The following TLL1 variants were observed in gnomAD, a reference collection of about 807,000 sequenced individuals.
TLL1 encodes the protein tolloid like 1.
In TLL1, 49 loss-of-function variants were observed where a neutral mutation model predicts 128.2. The observed-to-expected ratio is 0.38, with a 90% CI of 0.30 to 0.48. The LOEUF is 0.48. TLL1 is among the 20% of genes least tolerant of loss of function. The pLI is 0.96. For synonymous variants in TLL1, 454 were observed against 418.8 expected, an observed-to-expected ratio of 1.08 and a Z score of -1.03; for missense variants, 1,123 against 1,242.0, an observed-to-expected ratio of 0.90 and a Z score of 1.44.
intron 1 of TLL1, among the ~76,000 whole-genome samples, chr4:165,928,319 C>A (rs532304986): frequency 6.6e-6 from 1 of 151,988 alleles, no homozygotes; most frequent in Non-Finnish European, 1.5e-5. Context: ...GTTGGGGAGA[C>A]GGCAGGCATG....
At chr4:166,052,507 G>T (rs1468778315) in intron 12 of TLL1, among the ~76,000 whole-genome samples, 1 of 152,064 alleles carries the variant, frequency 6.6e-6, no homozygotes, top group African/African-American at 2.4e-5. Context: ...ACCTTGGCCA[G>T]GCTGGTCTTG....
chr4:165,937,398 A>C (rs1733813018), intron 1 of TLL1, among the ~76,000 whole-genome samples: 1 of 152,162 alleles, frequency 6.6e-6, no homozygotes, highest in African/African-American at 2.4e-5. Flanking sequence ...TTTCACATAC[A>C]CATTCTCAGA....
intron 1 of TLL1, among the ~76,000 whole-genome samples, chr4:165,906,827 GTTT>G (rs372917139): frequency 7.0e-5 from 8 of 114,220 alleles, no homozygotes; most frequent in African/African-American, 9.6e-5. Context: ...TATTTCTCCA[GTTT>G]TTTTTTTTTT....
chr4:165,920,910 C>A (rs1271481960), intron 1 of TLL1, among the ~76,000 whole-genome samples: 1 of 152,108 alleles, frequency 6.6e-6, no homozygotes, highest in Non-Finnish European at 1.5e-5. Context: ...TGGCTTAGAT[C>A]CAACTTAGAT....
At chr4:165,944,702 G>C (rs1453507150) in intron 1 of TLL1, among the ~76,000 whole-genome samples, 1 of 152,042 alleles carries the variant, frequency 6.6e-6, no homozygotes, top group East Asian at 1.9e-4. Flanking sequence ...ACAGTATCCA[G>C]GGAAGAAGAT....
intron 1 of TLL1, among the ~76,000 whole-genome samples, chr4:165,988,000 T>G (rs573396081): frequency 6.6e-6 from 1 of 152,214 alleles, no homozygotes; most frequent in South Asian, 2.1e-4. Flanking sequence ...ATAAAGAAAA[T>G]TGGTAAACCT....
rs529078448 is a variant in TLL1, at chr4:166,088,549, A to G, written c.2443-2579A>G. Among the ~76,000 whole-genome samples, 77 of 152,150 alleles carry G rather than the reference A, an allele frequency of 5.1e-4. 2 individuals carry two copies. Among genetic ancestry groups the G allele is most frequent in the African/African-American group, 1.8e-3 (74 of 41,506 alleles). Reference sequence around the variant, plus strand: ...TTTGCTTGTGTGTGGTGGAGCTTTTAGTTCAGGCTGATTTCTGGAAAAGGA... The same window carrying G: ...TTTGCTTGTGTGTGGTGGAGCTTTTGGTTCAGGCTGATTTCTGGAAAAGGA... On this transcript the variant is annotated intron_variant, in intron 18 of 20. Coordinates refer to ENST00000061240, the MANE Select transcript of TLL1 (RefSeq NM_012464.5).
At chr4:165,886,179 G>A (rs1472731756) in intron 1 of TLL1, among the ~76,000 whole-genome samples, 3 of 152,220 alleles carry the variant, frequency 2.0e-5, no homozygotes, top group East Asian at 1.9e-4. Flanking sequence ...AATTAAAAGA[G>A]CACTGGATAT....
At chr4:166,044,974 T>C (rs186863253) in intron 12 of TLL1, among the ~76,000 whole-genome samples, 1 of 152,140 alleles carries the variant, frequency 6.6e-6, no homozygotes, top group Non-Finnish European at 1.5e-5. Context: ...GCAGTGACAG[T>C]CTTCAAAAAT....
rs559192808 is a variant in TLL1, at chr4:166,055,253, G to A, written c.1702G>A (p.Ala568Thr). 2.5e-6 allele frequency: 4 copies of A among 1,613,444 alleles called. No homozygotes were observed. In the African/African-American group the frequency reaches 4.0e-5, roughly 16 times the overall value. ...CGGAACTGTGAACAAAGCAGGGTTT[G>A]CTGCTAACTTTTTTAAAGGTAATTT... ...SDGTVNKAGF[A>T]ANFFKEEDEC... Residue 568 changes from alanine (A) to threonine (T), a missense_variant, in exon 13 of 21, where the codon GCT becomes ACT. By Grantham distance (58) the Ala-to-Thr change is moderately conservative (BLOSUM62 0). Around this residue, in one of 3 missense-constraint regions of TLL1, gnomAD observed 634 missense variants for 672.4 expected, o/e 0.94. Transcript: ENST00000061240.
chr4:165,920,329 A>G (rs112548151), intron 1 of TLL1, among the ~76,000 whole-genome samples: 599 of 152,352 alleles, frequency 3.9e-3, no homozygotes, highest in Non-Finnish European at 6.9e-3. Flanking sequence ...TGAAACATTT[A>G]TAACTTTGAG....
At chr4:166,004,518 A>G (rs1435740805) in intron 6 of TLL1, among the ~76,000 whole-genome samples, 3 of 152,078 alleles carry the variant, frequency 2.0e-5, no homozygotes, top group Admixed American at 6.6e-5. Flanking sequence ...GAGAAAAGTG[A>G]CAGTAATTAG....
At chr4:165,991,123 C>T (rs777389650) in intron 2 of TLL1, among the ~76,000 whole-genome samples, 3 of 151,824 alleles carry the variant, frequency 2.0e-5, no homozygotes, top group Non-Finnish European at 4.4e-5. Context: ...CTCCCTTCTC[C>T]CATTATTTTG....
intron 1 of TLL1, among the ~76,000 whole-genome samples, chr4:165,951,174 G>A (rs1734497514): frequency 6.6e-6 from 1 of 152,080 alleles, no homozygotes; most frequent in South Asian, 2.1e-4. Flanking sequence ...TTTGAAAGAT[G>A]TAAACTACAA....
At chr4:165,996,472 G>T (rs1425760092) in intron 5 of TLL1, among the ~76,000 whole-genome samples, 1 of 152,070 alleles carries the variant, frequency 6.6e-6, no homozygotes, top group Non-Finnish European at 1.5e-5. Context: ...AGCCAGGTGT[G>T]TTGGCGCGCA....
chr4:166,047,562 T>TAATATAATATATA (rs1244910731), intron 12 of TLL1, among the ~76,000 whole-genome samples: 215 of 151,232 alleles, frequency 1.4e-3, no homozygotes, highest in Non-Finnish European at 2.6e-3. Flanking sequence ...AAGATAAACT[T>TAATATAATATATA]GTCCATCATG....
At chr4:166,026,559 T>C (rs893156683) in intron 9 of TLL1, among the ~76,000 whole-genome samples, 1 of 152,136 alleles carries the variant, frequency 6.6e-6, no homozygotes, top group African/African-American at 2.4e-5. Flanking sequence ...TGTTGGCATG[T>C]GCCTGTAATC....
chr4:166,092,245 T>G (rs767140231), intron 19 of TLL1, among the ~76,000 whole-genome samples: 5 of 152,132 alleles, frequency 3.3e-5, no homozygotes, highest in Non-Finnish European at 7.4e-5. Context: ...ATTCTTTCAC[T>G]TGATTTTGTA....
intron 12 of TLL1, among the ~76,000 whole-genome samples, chr4:166,045,960 A>T (rs1054064335): frequency 2.0e-5 from 3 of 152,156 alleles, no homozygotes; most frequent in Non-Finnish European, 4.4e-5. Context: ...TTTTTAGTAA[A>T]TTGCACTTCC....
Sources: gnomAD v4.1 joint callset for allele counts (sites outside exome capture counted in the v4.1 genomes callset) on GRCh38, gnomAD v4.1.1 for gene constraint, gnomAD v4.1.1 regional missense constraint, MANE v1.5 for transcripts, NCBI Gene and HGNC (gene_info 2026-07-23, HGNC 2026-07-21) for gene names.